The following TNRC6C variants were observed in gnomAD, a reference collection of about 807,000 sequenced individuals.
TNRC6C encodes trinucleotide repeat containing adaptor 6C.
In TNRC6C, 20 loss-of-function variants were observed where a neutral mutation model predicts 153.7. The observed-to-expected ratio is 0.13, with a 90% CI of 0.09 to 0.19. TNRC6C has a LOEUF of 0.19. Among genes scored for constraint, TNRC6C ranks in the 10% least tolerant of loss-of-function variants. TNRC6C has a pLI of 1.00. For synonymous variants in TNRC6C, 811 were observed against 841.4 expected (o/e 0.96, Z 0.63); for missense variants, 1,987 against 2,172.0 (o/e 0.91, Z 1.69).
At chr17:78,032,129 C>A (rs980068038) in intron 2 of TNRC6C, among the ~76,000 whole-genome samples, 23 of 152,232 alleles carry the variant, frequency 1.5e-4, no homozygotes, top group African/African-American at 5.5e-4. Flanking sequence ...CCCATCAAGG[C>A]AGTTACTTTA....
At chr17:77,970,527 T>C (rs2070932442) in intron 1 of TNRC6C, among the ~76,000 whole-genome samples, 1 of 152,182 alleles carries the variant, frequency 6.6e-6, no homozygotes, top group East Asian at 1.9e-4. Flanking sequence ...AGGAGAGATA[T>C]ATGTTAAATG....
intron 18 of TNRC6C, among the ~76,000 whole-genome samples, chr17:78,103,001 G>A (rs139594324): frequency 1.9e-3 from 283 of 152,286 alleles, no homozygotes; most frequent in African/African-American, 6.4e-3. Context: ...TAAAAGAGTC[G>A]TTTGGCCACA....
rs1385989540 is a variant in TNRC6C at position 78,104,894 on chromosome 17, C to A, written c.*49C>A. The A allele has an allele frequency of 3.6e-6, 5 of 1,378,018 alleles. No individual in the cohort carries two copies. The highest frequency in any genetic ancestry group is 4.7e-6 in the Non-Finnish European group (5 of 1,070,486). The allele number at this position is 1,378,018 out of a possible 1,614,324, so 85.4% of individuals were successfully genotyped here. The stretch of plus-strand genomic sequence containing the variant: ...AGAGCCGACCCCTCCCGGGACCCCT[C>A]CCGGCTGGGCGGCCCCACAGACCCG... On this transcript the variant is annotated 3_prime_UTR_variant, in exon 20 of 20. Coordinates refer to ENST00000301624, the Ensembl canonical transcript of TNRC6C. The surrounding 1 kb of genome is among the most constrained non-coding windows in gnomAD (Gnocchi z 6.2).
chr17:78,043,031 A>G (rs2072331937), intron 2 of TNRC6C, among the ~76,000 whole-genome samples: 1 of 152,210 alleles, frequency 6.6e-6, no homozygotes, highest in Non-Finnish European at 1.5e-5. Context: ...TTCTCCGTGA[A>G]CCTGCATTGA....
At chr17:78,045,896 C>T (rs779096044) in intron 2 of TNRC6C, among the ~76,000 whole-genome samples, 3 of 151,176 alleles carry the variant, frequency 2.0e-5, no homozygotes, top group Non-Finnish European at 4.4e-5. Flanking sequence ...TAATATCATG[C>T]CATATTTGCT....
chr17:78,036,012 C>T (rs1400452809), intron 2 of TNRC6C, among the ~76,000 whole-genome samples: 1 of 152,128 alleles, frequency 6.6e-6, no homozygotes, highest in Non-Finnish European at 1.5e-5. Flanking sequence ...TTACATTTCT[C>T]TAACTTGTAA....
In TNRC6C at chr17:78,075,438, G is replaced by A; in HGVS notation, c.3060+160G>A. ...TAACATTATGAACATTTAACTCAAA[G>A]AAGGGAATGTCGTATTTCATAAGAT... On this transcript the variant is annotated intron_variant, in intron 8 of 19. Transcript: ENST00000301624. This position sits in a 1 kb window ranked among gnomAD's most constrained non-coding sequence, Gnocchi z 4.2. 2.5e-6 allele frequency: 2 copies of A among 814,690 alleles called. No individual in the cohort carries two copies. The highest frequency in any genetic ancestry group is 4.0e-5 in the South Asian group (2 of 49,984). 50.5% of individuals were successfully genotyped at this position (814,690 alleles called of 1,614,324 possible).
intron 3 of TNRC6C, among the ~76,000 whole-genome samples, chr17:78,056,731 C>T (rs1020085719): frequency 2.0e-5 from 3 of 151,886 alleles, no homozygotes; most frequent in Non-Finnish European, 2.9e-5. Flanking sequence ...CCGCAAAGTG[C>T]TGGAATTACA....
chr17:78,001,879 G>A (rs1177640712), upstream of TNRC6C, among the ~76,000 whole-genome samples: 1 of 151,758 alleles, frequency 6.6e-6, no homozygotes, highest in African/African-American at 2.4e-5. Flanking sequence ...GTCCTGGGGG[G>A]AAGCATGATA....
chr17:77,984,683 C>G (rs116404804), intron 1 of TNRC6C, among the ~76,000 whole-genome samples: 4,315 of 152,260 alleles, frequency 0.028, 88 homozygotes, highest in South Asian at 0.056. Flanking sequence ...TCTCTGCCTC[C>G]CAGTAGGGCC....
intron 3 of TNRC6C, 115 bp from the exon 6 acceptor site, chr17:78,064,607 G>C: frequency 1.0e-6 from 1 of 974,056 alleles, no homozygotes; most frequent in Non-Finnish European, 1.5e-6. Flanking sequence ...TCTACTAAAG[G>C]CTATTCTAAG....
rs2073660136 is a variant in TNRC6C, at chr17:78,104,747, T to TG, written c.4979dup (p.Pro1662AlafsTer97). ...GGTGCCCCAGTACTCCAGCAGCCTG[T>TG]GGGGCCCGCCCAGCGCCGACGACAG... On this transcript the variant is annotated frameshift_variant, in exon 20 of 20. Transcript: ENST00000301624. LOFTEE classifies it high-confidence loss of function. This position sits in a 1 kb window ranked among gnomAD's most constrained non-coding sequence, Gnocchi z 6.2. 1 of 1,509,894 alleles carries TG rather than the reference T, an allele frequency of 6.6e-7. No homozygotes were observed. 93.5% of individuals were successfully genotyped at this position (1,509,894 alleles called of 1,614,324 possible).
At chr17:78,092,469 TTTATTAAGG>T (rs2144564703) in intron 14 of TNRC6C, among the ~76,000 whole-genome samples, 1 of 152,320 alleles carries the variant, frequency 6.6e-6, no homozygotes, top group East Asian at 1.9e-4. Context: ...CCCAAAAAGA[TTTATTAAGG>T]GCAGCTTCCC....
At chr17:77,989,866 C>T (rs1191390219) in intron 1 of TNRC6C, among the ~76,000 whole-genome samples, 1 of 152,154 alleles carries the variant, frequency 6.6e-6, no homozygotes, top group Non-Finnish European at 1.5e-5. Context: ...CTCAAACTCC[C>T]TTCCTACCTG....
intron 1 of TNRC6C, among the ~76,000 whole-genome samples, chr17:77,994,363 T>A (rs985833133): frequency 6.6e-6 from 1 of 152,176 alleles, no homozygotes; most frequent in African/African-American, 2.4e-5. Flanking sequence ...TATATTTGAT[T>A]TTTCTCTTGT....
rs1397783005 is a variant in TNRC6C, at chr17:78,049,533, A to C, written c.471A>C (p.Gln157His). ...GTGCTTGGGGAAACTTGCTGCCACA[A>C]GAGAGCACAGAACCACAAACGTCCA... is the stretch of plus-strand genomic sequence containing the variant. The change falls in exon 3 of 20, where the codon CAA becomes CAC. Residue 157 changes from glutamine (Q) to histidine (H), a missense_variant. Transcript: ENST00000301624. This position sits in a 1 kb window ranked among gnomAD's most constrained non-coding sequence, Gnocchi z 4.1. The C allele has an allele frequency of 2.5e-6, 4 of 1,613,902 alleles. No homozygotes were observed. The African/African-American group carries it at 4.0e-5, about 16-fold the overall frequency.
At position 77,990,850 on chromosome 17, in the gene TNRC6C, A is replaced by G. The variant is rs79310542; in HGVS notation, c.-37-13320A>G. 4.5e-4 allele frequency among the ~76,000 whole-genome samples: 68 copies of G among 152,282 alleles called. 1 individual carries two copies. In the South Asian group the frequency reaches 6.8e-3, roughly 15 times the overall value. On this transcript the variant is annotated intron_variant, in intron 1 of 22. Coordinates refer to the TNRC6C transcript ENST00000636222. ...TTTACTCAGTAATTTCATAGGGTCA[A>G]TCAGTTTGATTTGTTACTTCAGGGG...
chr17:77,984,618 C>T (rs747530050), intron 1 of TNRC6C, among the ~76,000 whole-genome samples: 1 of 152,214 alleles, frequency 6.6e-6, no homozygotes, highest in Non-Finnish European at 1.5e-5. Context: ...TGGCAGTGCT[C>T]ACCTCAGTGG....
At chr17:77,959,707 C>T (rs1480401509) in intron 1 of TNRC6C, among the ~76,000 whole-genome samples, 1 of 151,960 alleles carries the variant, frequency 6.6e-6, no homozygotes, top group Admixed American at 6.5e-5. Flanking sequence ...TGCGGGTGGG[C>T]GGAGAAGGAC....
Sources: gnomAD v4.1 joint callset for allele counts (sites outside exome capture counted in the v4.1 genomes callset) on GRCh38, gnomAD v4.1.1 for gene constraint, Gnocchi (gnomAD v3.1) non-coding constraint, MANE v1.5 for transcripts, NCBI Gene and HGNC (gene_info 2026-07-23, HGNC 2026-07-21) for gene names.